Variants in PHF21B observed in about 807,000 individuals in gnomAD.
PHF21B encodes the protein PHD finger protein 21B, also known as PHD finger protein 4.
PHF21B carries 22 observed loss-of-function variants against 62.2 expected under a neutral mutation model. The observed-to-expected ratio is 0.35, with a 90% CI of 0.25 to 0.51. The LOEUF (loss-of-function observed/expected upper bound fraction) is 0.51. Ranked by LOEUF, PHF21B falls within the 20% of genes least tolerant of loss-of-function variation. PHF21B has a pLI of 0.97. For missense variants in PHF21B, 701 were observed against 707.9 expected, an observed-to-expected ratio of 0.99 and a Z score of 0.11; for synonymous variants, 341 against 314.7, an observed-to-expected ratio of 1.08 and a Z score of -0.88.
At chr22:45,005,632 G>C (rs1045821796) in intron 2 of PHF21B, among the ~76,000 whole-genome samples, 1 of 152,194 alleles carries the variant, frequency 6.6e-6, no homozygotes, top group Non-Finnish European at 1.5e-5. Context: ...GGCCCTGAAA[G>C]ACAGGATTCC....
In PHF21B at chr22:44,905,632, G is replaced by T. The variant is rs557049144; in HGVS notation, c.831+8190C>A. Among the ~76,000 whole-genome samples the T allele has an allele frequency of 4.6e-5, 7 of 151,486 alleles. No homozygotes were observed. In the South Asian group the frequency reaches 1.5e-3, roughly 32 times the overall value. Reference sequence around the variant, plus strand: ...GGGCACAATTTCTTTTTGTTTTTTTGTTTTTTGTTTTTTTGATACGGAATC... The same window carrying T: ...GGGCACAATTTCTTTTTGTTTTTTTTTTTTTTGTTTTTTTGATACGGAATC... On this transcript the variant is annotated intron_variant, in intron 5 of 12. Coordinates refer to ENST00000313237, the MANE Select transcript of PHF21B (RefSeq NM_138415.5).
intron 2 of PHF21B, among the ~76,000 whole-genome samples, chr22:44,972,526 G>A (rs960945194): frequency 2.6e-5 from 4 of 152,082 alleles, no homozygotes; most frequent in South Asian, 4.2e-4. Context: ...GAGTGTTGGC[G>A]GACGCGGCTG....
At chr22:44,951,852 C>T (rs981278590) in intron 2 of PHF21B, among the ~76,000 whole-genome samples, 89 of 152,282 alleles carry the variant, frequency 5.8e-4, no homozygotes, top group Non-Finnish European at 1.1e-3. Flanking sequence ...GGACTGTTAG[C>T]TTTGTGCATT....
At chr22:44,893,844 TG>T (rs373374852) in intron 6 of PHF21B, among the ~76,000 whole-genome samples, 86 of 152,370 alleles carry the variant, frequency 5.6e-4, no homozygotes, top group African/African-American at 1.9e-3. Flanking sequence ...TGGCCGTTAT[TG>T]GGGACCCACA....
At chr22:45,001,393 T>C (rs1295511505) in intron 2 of PHF21B, 1 of 152,552 alleles carries the variant, frequency 6.6e-6, no homozygotes, top group Non-Finnish European at 1.5e-5. Context: ...CACCACCTTC[T>C]CTACCAGTGC....
intron 6 of PHF21B, among the ~76,000 whole-genome samples, chr22:44,894,558 A>G (rs2071023764): frequency 6.6e-6 from 1 of 152,156 alleles, no homozygotes; most frequent in Admixed American, 6.5e-5. Flanking sequence ...GGGCAGCGGG[A>G]TTCATCTCGC....
intron 7 of PHF21B, among the ~76,000 whole-genome samples, chr22:44,891,874 T>C (rs758462459): frequency 6.6e-6 from 1 of 152,152 alleles, no homozygotes; most frequent in Non-Finnish European, 1.5e-5. Flanking sequence ...GCCACACCGG[T>C]CTAAACCTTG....
At chr22:44,892,074 C>G (rs1472810567) in intron 7 of PHF21B, among the ~76,000 whole-genome samples, 1 of 152,182 alleles carries the variant, frequency 6.6e-6, no homozygotes, top group Non-Finnish European at 1.5e-5. Flanking sequence ...GCCCTGGCCT[C>G]AGACTTGGGA....
At position 45,009,723 on chromosome 22, in the gene PHF21B, C is replaced by T; in HGVS notation, c.-174G>A. 1.8e-6 allele frequency: 1 copy of T among 554,126 alleles called. No homozygotes were observed. Among genetic ancestry groups the T allele is most frequent in the Non-Finnish European group, 2.9e-6 (1 of 339,704 alleles). 34.3% of individuals were successfully genotyped at this position (554,126 alleles called of 1,614,324 possible). On this transcript the variant is annotated 5_prime_UTR_variant, in exon 1 of 13. Coordinates refer to ENST00000313237, the MANE Select transcript of PHF21B (RefSeq NM_138415.5). The surrounding 1 kb of genome is among the most constrained non-coding windows in gnomAD (Gnocchi z 5.9). ...GGAAGGGGGCTGGCGAAGGGGAAGA[C>T]AGGCTTCCGGGCGCCGCGGCGCCGA...
At chr22:44,995,425 C>T (rs1001247768) in intron 2 of PHF21B, among the ~76,000 whole-genome samples, 2 of 152,064 alleles carry the variant, frequency 1.3e-5, no homozygotes, top group East Asian at 3.9e-4. Flanking sequence ...GGCTGGGGGA[C>T]GAGTCTATTT....
At chr22:44,922,590 C>T (rs377102264) in intron 2 of PHF21B, among the ~76,000 whole-genome samples, 18 of 152,050 alleles carry the variant, frequency 1.2e-4, no homozygotes, top group African/African-American at 3.9e-4. Context: ...CGAGATCACA[C>T]CACTGCACTC....
chr22:44,909,662 C>T (rs1241979103), intron 5 of PHF21B, among the ~76,000 whole-genome samples: 1 of 152,268 alleles, frequency 6.6e-6, no homozygotes. Flanking sequence ...TCTGTCTTCA[C>T]CCCCTACTGC....
At chr22:44,963,779 C>T (rs2072471384) in intron 2 of PHF21B, among the ~76,000 whole-genome samples, 1 of 152,358 alleles carries the variant, frequency 6.6e-6, no homozygotes, top group East Asian at 1.9e-4. Flanking sequence ...CACCAAAGTT[C>T]GGAGAAGCAG....
intron 2 of PHF21B, among the ~76,000 whole-genome samples, chr22:44,989,914 G>A (rs987871128): frequency 1.3e-5 from 2 of 152,162 alleles, no homozygotes; most frequent in African/African-American, 2.4e-5. Flanking sequence ...CCAGCCGTGA[G>A]CTACATTTTT....
chr22:44,969,362 T>C (rs2072592995), intron 2 of PHF21B, among the ~76,000 whole-genome samples: 1 of 152,194 alleles, frequency 6.6e-6, no homozygotes, highest in African/African-American at 2.4e-5. Context: ...GGCCTCCATT[T>C]CTGCAACTGA....
At chr22:44,990,066 G>T (rs79644681) in intron 2 of PHF21B, among the ~76,000 whole-genome samples, 1 of 152,214 alleles carries the variant, frequency 6.6e-6, no homozygotes, top group African/African-American at 2.4e-5. Context: ...ACCCATGCCC[G>T]TGTCCCCTGG....
chr22:44,893,115 G>A (rs1210731562), intron 7 of PHF21B, among the ~76,000 whole-genome samples: 1 of 152,176 alleles, frequency 6.6e-6, no homozygotes. Context: ...AGGTGGTCCA[G>A]GGAGGCCAGG....
intron 5 of PHF21B, among the ~76,000 whole-genome samples, chr22:44,904,943 C>T (rs140050351): frequency 7.2e-5 from 11 of 152,280 alleles, no homozygotes; most frequent in Middle Eastern, 3.4e-3. Context: ...CTGGAGGCCC[C>T]CGGCACATCT....
intron 2 of PHF21B, among the ~76,000 whole-genome samples, chr22:44,995,671 T>C (rs928531149): frequency 2.0e-5 from 3 of 152,124 alleles, no homozygotes; most frequent in African/African-American, 7.2e-5. Flanking sequence ...GGTTCTAGAA[T>C]CTTCGGCGCG....
Sources: gnomAD v4.1 joint callset for allele counts (sites outside exome capture counted in the v4.1 genomes callset) on GRCh38, gnomAD v4.1.1 for gene constraint, Gnocchi (gnomAD v3.1) non-coding constraint, MANE v1.5 for transcripts, NCBI Gene and HGNC (gene_info 2026-07-23, HGNC 2026-07-21) for gene names.